The following AK5 variants were observed in gnomAD, a reference collection of about 807,000 sequenced individuals.
The protein encoded by AK5 is adenylate kinase 5, also known as adenylate kinase isoenzyme 5.
In AK5, 27 loss-of-function variants were observed where a neutral mutation model predicts 69.5. That is an observed-to-expected ratio of 0.39 (90% CI 0.29 to 0.54). The LOEUF is 0.54. Among genes scored for constraint, AK5 ranks in the 20% least tolerant of loss-of-function variants. AK5 has a pLI of 0.71. For missense variants in AK5, 531 were observed against 700.4 expected (o/e 0.76, Z 2.73); for synonymous variants, 260 against 244.4 (o/e 1.06, Z -0.60).
intron 10 of AK5, among the ~76,000 whole-genome samples, chr1:77,492,458 T>G (rs1369660227): frequency 6.6e-6 from 1 of 152,192 alleles, no homozygotes; most frequent in Admixed American, 6.5e-5. Context: ...GGACCTCTAA[T>G]GTCTGTGGAC....
At chr1:77,385,317 G>A (rs925317726) in intron 6 of AK5, among the ~76,000 whole-genome samples, 4 of 151,838 alleles carry the variant, frequency 2.6e-5, no homozygotes, top group Admixed American at 6.6e-5. Context: ...CCGCCACCAC[G>A]CCCGGCTAAT....
intron 5 of AK5, among the ~76,000 whole-genome samples, chr1:77,310,931 G>T (rs1659916453): frequency 1.3e-5 from 2 of 151,850 alleles, no homozygotes; most frequent in South Asian, 2.1e-4. Flanking sequence ...ATCTTGTATG[G>T]TTTTGTTAGT....
chr1:77,551,123 A>G (rs1309473375), intron 13 of AK5, among the ~76,000 whole-genome samples: 5 of 152,016 alleles, frequency 3.3e-5, no homozygotes, highest in African/African-American at 1.2e-4. Flanking sequence ...GTTGCAGTGA[A>G]CTTAGATCAT....
intron 6 of AK5, among the ~76,000 whole-genome samples, chr1:77,358,018 T>TGTGTGAGAGAGA (rs762714026): frequency 2.1e-3 from 265 of 128,260 alleles, no homozygotes; most frequent in East Asian, 1.0e-2. Context: ...TGTGTGTGTG[T>TGTGTGAGAGAGA]GAGAGAGAGA....
chr1:77,410,427 G>A (rs985156293), intron 6 of AK5, among the ~76,000 whole-genome samples: 2 of 151,926 alleles, frequency 1.3e-5, no homozygotes, highest in African/African-American at 4.8e-5. Flanking sequence ...ACAGGCACAT[G>A]CCACCATGCC....
chr1:77,441,886 G>A (rs1278967045), intron 8 of AK5, among the ~76,000 whole-genome samples: 4 of 152,142 alleles, frequency 2.6e-5, no homozygotes, highest in Admixed American at 6.5e-5. Flanking sequence ...CTGTGGCAGC[G>A]TTGGAGGTAG....
intron 8 of AK5, among the ~76,000 whole-genome samples, chr1:77,425,407 G>A (rs1209368810): frequency 2.0e-5 from 3 of 152,052 alleles, no homozygotes; most frequent in African/African-American, 7.2e-5. Context: ...CCAACATGGT[G>A]AAACCCCATC....
At chr1:77,324,190 A>G (rs1349638493) in intron 5 of AK5, among the ~76,000 whole-genome samples, 4 of 152,224 alleles carry the variant, frequency 2.6e-5, no homozygotes, top group Non-Finnish European at 5.9e-5. Context: ...CCGAACATTA[A>G]GAAATGGCAT....
At chr1:77,472,142 C>T (rs1336070936) in intron 8 of AK5, among the ~76,000 whole-genome samples, 1 of 152,208 alleles carries the variant, frequency 6.6e-6, no homozygotes, top group East Asian at 1.9e-4. Context: ...AGTAACCTAG[C>T]TAAAATTGTC....
chr1:77,399,928 T>C (rs1649093550), intron 6 of AK5, among the ~76,000 whole-genome samples: 1 of 152,186 alleles, frequency 6.6e-6, no homozygotes, highest in Non-Finnish European at 1.5e-5. Flanking sequence ...CACAGACCCA[T>C]AGGAGTTGGG....
chr1:77,366,708 G>A (rs1646955905), intron 6 of AK5, among the ~76,000 whole-genome samples: 1 of 152,134 alleles, frequency 6.6e-6, no homozygotes, highest in South Asian at 2.1e-4. Context: ...ATATGTCTTA[G>A]AGTTAAACTT....
At chr1:77,532,015 G>A (rs964354598) in intron 12 of AK5, 1 of 131,926 alleles carries the variant, frequency 7.6e-6, no homozygotes, top group Non-Finnish European at 1.7e-5. Flanking sequence ...GCCGCTCCGA[G>A]TGCGGGGCTC....
At chr1:77,366,572 C>T (rs1646953670) in intron 6 of AK5, among the ~76,000 whole-genome samples, 1 of 152,296 alleles carries the variant, frequency 6.6e-6, no homozygotes, top group East Asian at 1.9e-4. Flanking sequence ...TCTACCTCTA[C>T]CCCAGGAATA....
At chr1:77,341,758 T>G (rs1372873726) in intron 6 of AK5, among the ~76,000 whole-genome samples, 4 of 152,190 alleles carry the variant, frequency 2.6e-5, no homozygotes, top group Middle Eastern at 3.2e-3. Context: ...GAGTTGTAAG[T>G]CTGATCTGGA....
intron 10 of AK5, among the ~76,000 whole-genome samples, chr1:77,507,582 T>C (rs1570278898): frequency 6.6e-6 from 1 of 152,300 alleles, no homozygotes; most frequent in Non-Finnish European, 1.5e-5. Flanking sequence ...CTCTCCAGCT[T>C]TATGCTGAGA....
intron 8 of AK5, among the ~76,000 whole-genome samples, chr1:77,423,233 A>AAAG (rs1557581830): frequency 2.1e-5 from 3 of 145,514 alleles, no homozygotes; most frequent in Non-Finnish European, 3.1e-5. Context: ...AAAAAAAATA[A>AAAG]AAAAAAAAGA....
intron 8 of AK5, among the ~76,000 whole-genome samples, chr1:77,437,884 T>G (rs932510450): frequency 3.9e-5 from 6 of 152,168 alleles, no homozygotes; most frequent in Non-Finnish European, 7.4e-5. Flanking sequence ...GAGCTCAAGA[T>G]TTCGACCTGT....
At chr1:77,478,935 T>G (rs1279390206) in intron 8 of AK5, among the ~76,000 whole-genome samples, 1 of 152,088 alleles carries the variant, frequency 6.6e-6, no homozygotes, top group East Asian at 1.9e-4. Flanking sequence ...TAGTTTTTTT[T>G]TTTTTTGCAT....
At chr1:77,380,989 T>C (rs967362482) in intron 6 of AK5, among the ~76,000 whole-genome samples, 2 of 152,240 alleles carry the variant, frequency 1.3e-5, no homozygotes, top group Non-Finnish European at 2.9e-5. Flanking sequence ...TTCATTTTAA[T>C]ACTGTTAATG....
Sources: allele counts gnomAD v4.1 joint callset (sites outside exome capture counted in the v4.1 genomes callset), GRCh38; gene constraint gnomAD v4.1.1; transcripts MANE v1.5; gene names NCBI Gene and HGNC (gene_info 2026-07-23, HGNC 2026-07-21).